Variants in STK31 observed in about 807,000 individuals in gnomAD.
STK31 encodes the protein serine/threonine-protein kinase 31.
A neutral mutation model predicts 129.7 loss-of-function variants in STK31; 89 were observed. That is an observed-to-expected ratio of 0.69 (90% confidence interval 0.58 to 0.82). The LOEUF (loss-of-function observed/expected upper bound fraction) is 0.82, where lower values mean the gene tolerates loss of function less well. Ranked by LOEUF, STK31 falls within the 40% of genes least tolerant of loss-of-function variation. STK31 has a pLI of 0.00. For missense variants in STK31, 1,187 were observed against 1,176.4 expected (o/e 1.01, Z -0.13); for synonymous variants, 448 against 395.3 (o/e 1.13, Z -1.58).
chr7:23,748,716 C>CT (rs993243607), intron 8 of STK31, among the ~76,000 whole-genome samples: 2 of 151,850 alleles, frequency 1.3e-5, no homozygotes, highest in South Asian at 2.1e-4. Context: ...ATAACATTTT[C>CT]TTTTTTTTGG....
intron 15 of STK31, among the ~76,000 whole-genome samples, chr7:23,778,937 C>G (rs1409147847): frequency 6.6e-6 from 1 of 152,080 alleles, no homozygotes; most frequent in Non-Finnish European, 1.5e-5. Flanking sequence ...AATTTTCACC[C>G]TTTTTGTGCT....
chr7:23,773,972 C>A (rs1293851934), intron 15 of STK31, among the ~76,000 whole-genome samples: 1 of 151,850 alleles, frequency 6.6e-6, no homozygotes, highest in Non-Finnish European at 1.5e-5. Flanking sequence ...TGATGGTCCC[C>A]TTCCTGTGTT....
In STK31 at chr7:23,781,809, ACTTT is replaced by A. The variant is rs1221447958; in HGVS notation, c.2067+294_2067+297del. Among the ~76,000 whole-genome samples the A allele has an allele frequency of 1.3e-5, 2 of 152,136 alleles. 1 individual carries two copies. The highest frequency in any genetic ancestry group is 1.3e-4 in the Admixed American group (2 of 15,272). On this transcript the variant is annotated intron_variant, in intron 16 of 23. Transcript: ENST00000355870. ...TAGTAGTAATCACTGTTAACTTTTG[ACTTT>A]CTTTTAGTATTTTTTTGTTTGTTTT...
chr7:23,736,786 T>A, intron 7 of STK31, 118 bp from the exon 8 acceptor site: 1 of 773,016 alleles, frequency 1.3e-6, no homozygotes, highest in Non-Finnish European at 1.9e-6. Flanking sequence ...AATATTTTAG[T>A]TTTCAAAATT....
chr7:23,741,184 C>T (rs748593902), intron 8 of STK31, among the ~76,000 whole-genome samples: 17 of 152,136 alleles, frequency 1.1e-4, no homozygotes, highest in Non-Finnish European at 2.2e-4. Context: ...TCCTTGTTTT[C>T]TGGTGTCACA....
At chr7:23,786,444 A>G in intron 18 of STK31, 64 bp from the exon 19 acceptor site, 4 of 1,395,932 alleles carry the variant, frequency 2.9e-6, no homozygotes, top group Non-Finnish European at 3.8e-6. Context: ...TTAAATTGGA[A>G]TGATGTATAA....
At chr7:23,768,134 A>G (rs1789947257) in intron 11 of STK31, among the ~76,000 whole-genome samples, 1 of 152,154 alleles carries the variant, frequency 6.6e-6, no homozygotes, top group Non-Finnish European at 1.5e-5. Flanking sequence ...TCAGTGATGG[A>G]CTGCATATAT....
chr7:23,710,870 A>T, intron 1 of STK31: 3 of 861,976 alleles, frequency 3.5e-6, no homozygotes, highest in Non-Finnish European at 4.2e-6. Context: ...ACTGAATTTA[A>T]GCCTTAATGC....
At chr7:23,758,424 T>C (rs1281092936) in intron 10 of STK31, among the ~76,000 whole-genome samples, 1 of 152,110 alleles carries the variant, frequency 6.6e-6, no homozygotes, top group African/African-American at 2.4e-5. Context: ...CCTAGATTCA[T>C]TGATTTTTTT....
intron 11 of STK31, among the ~76,000 whole-genome samples, chr7:23,768,579 G>A (rs1050150857): frequency 1.3e-5 from 2 of 152,090 alleles, no homozygotes; most frequent in Admixed American, 6.5e-5. Context: ...GGAGAGTGGT[G>A]GATGTTGAGA....
rs986242732 is a variant in STK31 at position 23,775,044 on chromosome 7, C to T, written c.1965+2766C>T. On this transcript the variant is annotated intron_variant, in intron 15 of 23. Coordinates refer to ENST00000355870, the MANE Select transcript of STK31 (RefSeq NM_031414.5). ...TTTATTAAGTAGGGAATCCTTTCCC[C>T]ATTGCTTTCCCAGTTTTCCCAATAA... Among the ~76,000 whole-genome samples the T allele has an allele frequency of 9.2e-5, 14 of 152,192 alleles. No individual in the cohort carries two copies. In the East Asian group the frequency reaches 2.7e-3, roughly 29 times the overall value.
intron 5 of STK31, among the ~76,000 whole-genome samples, chr7:23,728,100 T>G (rs1360896901): frequency 7.4e-5 from 8 of 108,430 alleles, no homozygotes; most frequent in East Asian, 5.4e-4. Context: ...TTTTTTTTTT[T>G]GACATTGTGA....
At chr7:23,805,821 T>G (rs1792672767) in intron 22 of STK31, among the ~76,000 whole-genome samples, 1 of 152,228 alleles carries the variant, frequency 6.6e-6, no homozygotes, top group Non-Finnish European at 1.5e-5. Context: ...TATGTCTCTT[T>G]ATAACATGGT....
chr7:23,808,471 G>A (rs993838493), intron 22 of STK31, among the ~76,000 whole-genome samples: 1 of 151,952 alleles, frequency 6.6e-6, no homozygotes, highest in Admixed American at 6.6e-5. Context: ...TCCCCAGTGG[G>A]TCCTGCCAAC....
At chr7:23,801,187 G>A (rs1340414906) in intron 22 of STK31, among the ~76,000 whole-genome samples, 2 of 152,148 alleles carry the variant, frequency 1.3e-5, no homozygotes, top group Non-Finnish European at 2.9e-5. Context: ...ATTTATGAAA[G>A]TTTCAGTTCA....
chr7:23,719,392 A>G (rs1212649679), intron 4 of STK31, among the ~76,000 whole-genome samples: 2 of 152,054 alleles, frequency 1.3e-5, no homozygotes, highest in African/African-American at 2.4e-5. Flanking sequence ...ATTTAAGAAT[A>G]TTTGTCTTTA....
intron 22 of STK31, among the ~76,000 whole-genome samples, chr7:23,814,840 T>C (rs1428401738): frequency 6.6e-6 from 1 of 152,180 alleles, no homozygotes. Context: ...TACCTAATTT[T>C]TGAGTATTGG....
At chr7:23,798,784 T>C (rs186058188) in intron 22 of STK31, among the ~76,000 whole-genome samples, 200 of 152,242 alleles carry the variant, frequency 1.3e-3, no homozygotes, top group African/African-American at 3.2e-3. Context: ...GGTATTCAAA[T>C]AGGAAGAGAG....
chr7:23,808,970 T>TGTGTGTGC (rs60631283), intron 22 of STK31, among the ~76,000 whole-genome samples: 14 of 139,554 alleles, frequency 1.0e-4, no homozygotes, highest in Admixed American at 1.5e-4. Flanking sequence ...TGTGTGTGTG[T>TGTGTGTGC]GCCTGTGTCT....
Sources: gnomAD v4.1 joint callset for allele counts (sites outside exome capture counted in the v4.1 genomes callset) on GRCh38, gnomAD v4.1.1 for gene constraint, MANE v1.5 for transcripts, NCBI Gene and HGNC (gene_info 2026-07-23, HGNC 2026-07-21) for gene names.